The following CSMD1 variants were observed in gnomAD, a reference collection of about 807,000 sequenced individuals.
The protein encoded by CSMD1 is CUB and sushi domain-containing protein 1.
A neutral mutation model predicts 417.5 loss-of-function variants in CSMD1; 213 were observed. That is an observed-to-expected ratio of 0.51 (90% CI 0.46 to 0.57). CSMD1 has a LOEUF of 0.57. CSMD1 is among the 20% of genes least tolerant of loss of function. The pLI, the probability that CSMD1 is intolerant of heterozygous loss-of-function variation, is 0.00. For synonymous variants in CSMD1, 2,862 were observed against 1,736.8 expected (o/e 1.65, Z -16.11); for missense variants, 6,923 against 4,529.7 (o/e 1.53, Z -15.17).
At chr8:3,816,756 C>A (rs986850188) in intron 5 of CSMD1, among the ~76,000 whole-genome samples, 1 of 151,984 alleles carries the variant, frequency 6.6e-6, no homozygotes, top group African/African-American at 2.4e-5. Flanking sequence ...AATATGCATA[C>A]CTAATGTGTG....
chr8:4,991,777 G>T (rs1811480845), intron 1 of CSMD1, among the ~76,000 whole-genome samples: 1 of 152,172 alleles, frequency 6.6e-6, no homozygotes, highest in South Asian at 2.1e-4. Flanking sequence ...CGCACAAACG[G>T]CGACTCCGGC....
intron 5 of CSMD1, among the ~76,000 whole-genome samples, chr8:3,877,054 C>T (rs139541526): frequency 4.6e-5 from 7 of 152,222 alleles, no homozygotes; most frequent in African/African-American, 1.4e-4. Context: ...TTTTGCCTGT[C>T]GTAACCACAA....
intron 5 of CSMD1, among the ~76,000 whole-genome samples, chr8:3,770,666 C>G (rs1798517442): frequency 1.3e-5 from 2 of 152,306 alleles, no homozygotes; most frequent in African/African-American, 2.4e-5. Flanking sequence ...CCCATCATGA[C>G]TGACTGTCGC....
intron 33 of CSMD1, among the ~76,000 whole-genome samples, chr8:3,191,648 G>C (rs747746428): frequency 2.0e-5 from 3 of 152,064 alleles, no homozygotes; most frequent in Admixed American, 2.0e-4. Context: ...GTGTGGGTGA[G>C]ATAACTATTC....
At chr8:4,462,910 G>C (rs1209798828) in intron 2 of CSMD1, among the ~76,000 whole-genome samples, 1 of 152,078 alleles carries the variant, frequency 6.6e-6, no homozygotes, top group African/African-American at 2.4e-5. Flanking sequence ...GTTAAGCAAA[G>C]TCTTCTTAGA....
chr8:4,370,341 G>A (rs1471385843), intron 3 of CSMD1, among the ~76,000 whole-genome samples: 1 of 152,078 alleles, frequency 6.6e-6, no homozygotes, highest in South Asian at 2.1e-4. Flanking sequence ...CTTTGTAAGT[G>A]ACCTGCTCCT....
chr8:4,619,014 A>C (rs931028755), intron 2 of CSMD1, among the ~76,000 whole-genome samples: 2 of 152,192 alleles, frequency 1.3e-5, no homozygotes, highest in Non-Finnish European at 1.5e-5. Context: ...CTGCAATTCT[A>C]TTTCAAAAAT....
intron 1 of CSMD1, among the ~76,000 whole-genome samples, chr8:4,708,551 A>C (rs1808093466): frequency 6.6e-6 from 1 of 152,218 alleles, no homozygotes. Flanking sequence ...AAGGAAGGTG[A>C]TTGCCAGGTA....
At chr8:3,918,426 G>C (rs923431181) in intron 5 of CSMD1, among the ~76,000 whole-genome samples, 7 of 151,966 alleles carry the variant, frequency 4.6e-5, no homozygotes, top group African/African-American at 1.4e-4. Flanking sequence ...GTTTTGATTT[G>C]CGTTTGTCTG....
At chr8:4,301,053 G>A (rs775686457) in intron 3 of CSMD1, among the ~76,000 whole-genome samples, 3 of 152,176 alleles carry the variant, frequency 2.0e-5, no homozygotes, top group Non-Finnish European at 4.4e-5. Context: ...GAAGTCAGAA[G>A]GAGCCAAATC....
intron 1 of CSMD1, among the ~76,000 whole-genome samples, chr8:4,947,429 C>T (rs1407353596): frequency 6.6e-6 from 1 of 151,884 alleles, no homozygotes. Context: ...TTTTTTCTCA[C>T]ATAGGTAAGA....
intron 1 of CSMD1, among the ~76,000 whole-genome samples, chr8:4,979,671 A>G (rs1357116702): frequency 1.3e-5 from 2 of 152,204 alleles, no homozygotes; most frequent in East Asian, 1.9e-4. Context: ...TGTGGTGAAA[A>G]TGTGTTTAGT....
At position 4,044,094 on chromosome 8, in the gene CSMD1, G is replaced by A. The variant is rs571447287; in HGVS notation, c.416-11995C>T. On this transcript the variant is annotated intron_variant, in intron 3 of 69. Transcript: ENST00000635120. ...TTTCTTGCCCATTGCTTGTCTCTGT[G>A]ATATTATTTGATATGATATTTTCTG... Among the ~76,000 whole-genome samples, 149 of 152,146 alleles carry A rather than the reference G, an allele frequency of 9.8e-4. 2 individuals carry two copies. Among genetic ancestry groups the A allele is most frequent in the African/African-American group, 3.5e-3 (147 of 41,536 alleles).
At chr8:4,134,115 G>A (rs1304512019) in intron 3 of CSMD1, among the ~76,000 whole-genome samples, 1 of 152,178 alleles carries the variant, frequency 6.6e-6, no homozygotes, top group South Asian at 2.1e-4. Flanking sequence ...GCTGGTATAA[G>A]AATATCAAAT....
intron 6 of CSMD1, among the ~76,000 whole-genome samples, chr8:3,749,392 G>A (rs527431267): frequency 2.0e-5 from 3 of 152,154 alleles, no homozygotes; most frequent in Non-Finnish European, 4.4e-5. Flanking sequence ...AGTAGCAACT[G>A]TAGAACAGTT....
chr8:4,435,124 GTATTT>G (rs1406847270), intron 2 of CSMD1, among the ~76,000 whole-genome samples: 1 of 151,940 alleles, frequency 6.6e-6, no homozygotes, highest in Non-Finnish European at 1.5e-5. Context: ...AGGAAAAACT[GTATTT>G]TAAAGTATCA....
At chr8:3,926,014 T>C (rs953236486) in intron 5 of CSMD1, among the ~76,000 whole-genome samples, 15 of 123,392 alleles carry the variant, frequency 1.2e-4, no homozygotes, top group Admixed American at 6.0e-4. Flanking sequence ...TATTTGTCTA[T>C]ACACACACAC....
chr8:3,080,672 C>T (rs961461348), intron 49 of CSMD1, among the ~76,000 whole-genome samples: 1 of 152,156 alleles, frequency 6.6e-6, no homozygotes, highest in East Asian at 1.9e-4. Context: ...CCTCCCAAAT[C>T]CCCTTCAAGA....
chr8:4,067,766 C>T (rs181758076), intron 3 of CSMD1, among the ~76,000 whole-genome samples: 49 of 152,160 alleles, frequency 3.2e-4, no homozygotes, highest in Middle Eastern at 3.4e-3. Context: ...ATTGTATGAA[C>T]GTTTTCCTGT....
Sources: allele counts gnomAD v4.1 joint callset (sites outside exome capture counted in the v4.1 genomes callset), GRCh38; gene constraint gnomAD v4.1.1; transcripts MANE v1.5; gene names NCBI Gene and HGNC (gene_info 2026-07-23, HGNC 2026-07-21).